Variants in NVL observed in about 807,000 individuals in gnomAD.
NVL encodes nuclear VCP like.
In NVL, 84 loss-of-function variants were observed where a neutral mutation model predicts 110.2. That is an observed-to-expected ratio of 0.76 (90% CI 0.64 to 0.91). The LOEUF (loss-of-function observed/expected upper bound fraction) is 0.91, where lower values mean the gene tolerates loss of function less well. Among genes scored for constraint, NVL ranks in the 40% least tolerant of loss-of-function variants. The pLI is 0.00. For synonymous variants in NVL, 354 were observed against 361.1 expected (o/e 0.98, Z 0.22); for missense variants, 882 against 1,035.9 (o/e 0.85, Z 2.04).
intron 1 of NVL, among the ~76,000 whole-genome samples, chr1:224,327,438 G>A (rs952603299): frequency 1.3e-5 from 2 of 152,002 alleles, no homozygotes; most frequent in Non-Finnish European, 2.9e-5. Flanking sequence ...GCTAGACCCA[G>A]TCTCAAAAAT....
At chr1:224,308,836 C>T (rs1470621284) in intron 5 of NVL, among the ~76,000 whole-genome samples, 16 of 152,004 alleles carry the variant, frequency 1.1e-4, no homozygotes, top group Non-Finnish European at 1.9e-4. Flanking sequence ...CCGAGGCGGG[C>T]GGATCACGAG....
At chr1:224,278,522 C>G (rs375677640) in intron 16 of NVL, among the ~76,000 whole-genome samples, 1 of 152,034 alleles carries the variant, frequency 6.6e-6, no homozygotes, top group East Asian at 1.9e-4. Context: ...TGAGCCACCG[C>G]ACCCAGCCCA....
At chr1:224,253,745 A>G (rs1246796715) in intron 18 of NVL, among the ~76,000 whole-genome samples, 4 of 151,068 alleles carry the variant, frequency 2.6e-5, no homozygotes, top group African/African-American at 4.8e-5. Context: ...AAAAAAAAAA[A>G]AAAGAAAAGA....
At chr1:224,280,937 T>C (rs1211822305) in intron 16 of NVL, among the ~76,000 whole-genome samples, 186 bp downstream of exon 16, 3 of 152,142 alleles carry the variant, frequency 2.0e-5, no homozygotes, top group East Asian at 3.9e-4. Flanking sequence ...ACAGACTTAA[T>C]TGAGAAAGCA....
chr1:224,228,924 CAAAAA>C (rs368485856), intron 22 of NVL, among the ~76,000 whole-genome samples: 8 of 81,674 alleles, frequency 9.8e-5, no homozygotes, highest in Middle Eastern at 0.01. Context: ...GACTCCGTCT[CAAAAA>C]AAAAAAAAAA....
chr1:224,264,040 C>T (rs771616057), intron 18 of NVL, among the ~76,000 whole-genome samples: 38 of 151,988 alleles, frequency 2.5e-4, no homozygotes, highest in Non-Finnish European at 2.2e-4. Context: ...AACAAACAAA[C>T]TCCAAAAAGA....
Position 224,246,972 on chromosome 1 carries a change from G to A in NVL, c.2289+3240C>T, listed in dbSNP as rs186826266. ...TAGGAGATATGCTTGAACCCAGGAGGTGGAGGTTGCAGTGAGCTGAGATCA... is the reference window on the plus strand; with the variant it reads ...TAGGAGATATGCTTGAACCCAGGAGATGGAGGTTGCAGTGAGCTGAGATCA... On this transcript the variant is annotated intron_variant, in intron 19 of 22. Transcript: ENST00000281701. 1.3e-3 allele frequency among the ~76,000 whole-genome samples: 203 copies of A among 151,672 alleles called. 1 individual carries two copies. Among genetic ancestry groups the A allele is most frequent in the Non-Finnish European group, 2.5e-3 (168 of 67,962 alleles).
chr1:224,281,536 G>A (rs1666326501), intron 15 of NVL, among the ~76,000 whole-genome samples: 1 of 151,400 alleles, frequency 6.6e-6, no homozygotes, highest in Non-Finnish European at 1.5e-5. Flanking sequence ...TCCTGACCTC[G>A]TGATCAGCCT....
At chr1:224,287,739 G>A in intron 14 of NVL, 36 bp downstream of exon 14, 1 of 1,558,540 alleles carries the variant, frequency 6.4e-7, no homozygotes, top group Non-Finnish European at 8.8e-7. Context: ...TTTAATCCAT[G>A]ACATGCCAAT....
intron 5 of NVL, among the ~76,000 whole-genome samples, chr1:224,309,156 G>A (rs1669270139): frequency 6.6e-6 from 1 of 150,822 alleles, no homozygotes; most frequent in African/African-American, 2.4e-5. Context: ...TGGTTGCTTC[G>A]AAAAAAAATA....
In NVL at chr1:224,300,951, A is replaced by G. The variant is rs562592210; in HGVS notation, c.961-288T>C. ...GAAACCCCATTTTTACTAAAAATAC[A>G]AAAATTAGCCATGCATGGTGGTGCA... is the stretch of plus-strand genomic sequence containing the variant. On this transcript the variant is annotated intron_variant, in intron 9 of 22. Transcript: ENST00000281701. 6.3e-4 allele frequency among the ~76,000 whole-genome samples: 96 copies of G among 152,204 alleles called. 1 individual carries two copies. The South Asian group carries it at 0.019, about 30-fold the overall frequency.
Position 224,281,143 on chromosome 1 carries a change from C to T in NVL, c.1942G>A (p.Gly648Ser). The stretch of plus-strand genomic sequence containing the variant: ...CTTACCATGTTTAGTAATTCGGGGC[C>T]CTTGACAGATATAAAATTTAGTCCG... ...ESGLNFISVK[G>S]PELLNMYVGE... Residue 648 changes from glycine (G) to serine (S), a missense_variant, in exon 16 of 23, where the codon GGC becomes AGC. Coordinates refer to ENST00000281701, the MANE Select transcript of NVL (RefSeq NM_002533.4). 6.2e-7 allele frequency: 1 copy of T among 1,613,760 alleles called. No individual in the cohort carries two copies. The highest frequency in any genetic ancestry group is 8.5e-7 in the Non-Finnish European group (1 of 1,179,900).
chr1:224,256,860 T>C, intron 18 of NVL: 1 of 365,870 alleles, frequency 2.7e-6, no homozygotes, highest in Middle Eastern at 3.8e-4. Context: ...TGATTCCACT[T>C]TCCCACATCC....
chr1:224,279,541 T>C (rs1003424929), intron 16 of NVL, among the ~76,000 whole-genome samples: 5 of 152,200 alleles, frequency 3.3e-5, no homozygotes, highest in African/African-American at 1.2e-4. Flanking sequence ...GGAGAGTTTA[T>C]AAGGAGAGTT....
chr1:224,295,175 T>C (rs1019351335), intron 11 of NVL, among the ~76,000 whole-genome samples: 2 of 151,816 alleles, frequency 1.3e-5, no homozygotes, highest in East Asian at 1.9e-4. Flanking sequence ...AATTAAATCA[T>C]GAGGAGTTTA....
intron 19 of NVL, among the ~76,000 whole-genome samples, chr1:224,243,623 AAAT>A (rs1661457546): frequency 6.6e-6 from 1 of 151,992 alleles, no homozygotes; most frequent in Non-Finnish European, 1.5e-5. Context: ...AGGGCTTAAT[AAAT>A]GTTAGCTATT....
rs755495436 is a variant in NVL at position 224,317,892 on chromosome 1, A to G, written c.170T>C (p.Ile57Thr). 2 of 1,598,512 alleles carry G rather than the reference A, an allele frequency of 1.3e-6. No homozygotes were observed. Among genetic ancestry groups the G allele is most frequent in the Non-Finnish European group, 1.7e-6 (2 of 1,168,224 alleles). ...YGRRKRNAFR[I>T]QVEKVFSIIS... ...ATAAGACTCACCTTTTTCTACCTGA[A>G]TCCTAAAAGCATTTCTTTTTCTTCG... The change falls in exon 3 of 23, where the codon ATT (isoleucine) becomes ACT (threonine). Residue 57 changes from isoleucine to threonine, a missense_variant. This residue lies in a region of NVL where 274 missense variants were observed against 268.4 expected (regional missense o/e 1.02). Coordinates refer to ENST00000281701, the MANE Select transcript of NVL (RefSeq NM_002533.4).
intron 11 of NVL, among the ~76,000 whole-genome samples, chr1:224,295,223 C>T (rs1253258435): frequency 6.6e-6 from 1 of 151,402 alleles, no homozygotes; most frequent in Admixed American, 6.6e-5. Context: ...GACGGAGTCT[C>T]GCTCTGTCGC....
At position 224,326,395 on chromosome 1, in the gene NVL, A is replaced by G; in HGVS notation, c.127T>C (p.Tyr43His). The change falls in exon 2 of 23, where the codon TAC becomes CAC. Residue 43 changes from tyrosine to histidine, a missense_variant. Coordinates refer to ENST00000281701, the MANE Select transcript of NVL (RefSeq NM_002533.4). Reference sequence around the variant, plus strand: ...CCGGAAACTATATTTATTTACCTGTACACTCTTTGTAAATCAGACGCTAAG... The same window carrying G: ...CCGGAAACTATATTTATTTACCTGTGCACTCTTTGTAAATCAGACGCTAAG... ...GVLASDLQRV[Y>H]SIDYGRRKRN... The G allele has an allele frequency of 6.2e-7, 1 of 1,607,588 alleles. No individual in the cohort carries two copies. Among genetic ancestry groups the G allele is most frequent in the Non-Finnish European group, 8.5e-7 (1 of 1,175,252 alleles).
Sources: gnomAD v4.1 joint callset for allele counts (sites outside exome capture counted in the v4.1 genomes callset) on GRCh38, gnomAD v4.1.1 for gene constraint, gnomAD v4.1.1 regional missense constraint, MANE v1.5 for transcripts, NCBI Gene and HGNC (gene_info 2026-07-23, HGNC 2026-07-21) for gene names.